CAB39L: variants seen among roughly 807,000 people sequenced by gnomAD.
CAB39L encodes calcium-binding protein 39-like.
CAB39L carries 23 observed loss-of-function variants against 39.1 expected under a neutral mutation model. The ratio of observed to expected loss-of-function variants is 0.59; its 90% CI spans 0.42 to 0.83. The LOEUF (loss-of-function observed/expected upper bound fraction) is 0.83. Among genes scored for constraint, CAB39L ranks in the 40% least tolerant of loss-of-function variants. The pLI is 0.00. For missense variants in CAB39L, 366 were observed against 391.9 expected (o/e 0.93, Z 0.56); for synonymous variants, 126 against 137.2 (o/e 0.92, Z 0.57).
chr13:49,379,645 T>G (rs1956209662), intron 4 of CAB39L, among the ~76,000 whole-genome samples: 2 of 96,998 alleles, frequency 2.1e-5, no homozygotes, highest in African/African-American at 4.9e-5. Flanking sequence ...TATTGTCCCA[T>G]GACCCTGCCA....
chr13:49,367,367 T>C (rs1466587804), intron 5 of CAB39L, among the ~76,000 whole-genome samples: 1 of 152,026 alleles, frequency 6.6e-6, no homozygotes, highest in African/African-American at 2.4e-5. Context: ...AGCAACAACA[T>C]CAAATGCTGG....
chr13:49,443,702 C>A (rs1334064838), intron 1 of CAB39L, among the ~76,000 whole-genome samples: 1 of 152,164 alleles, frequency 6.6e-6, no homozygotes, highest in Non-Finnish European at 1.5e-5. Context: ...CCAGCCCCCA[C>A]AATGATCAAC....
chr13:49,373,536 G>T (rs534134439), intron 5 of CAB39L, among the ~76,000 whole-genome samples: 1 of 152,102 alleles, frequency 6.6e-6, no homozygotes, highest in Non-Finnish European at 1.5e-5. Flanking sequence ...GGCTATTCAC[G>T]TACTGAAATC....
At chr13:49,412,558 G>C (rs1327434113) in intron 3 of CAB39L, among the ~76,000 whole-genome samples, 1 of 152,008 alleles carries the variant, frequency 6.6e-6, no homozygotes, top group Non-Finnish European at 1.5e-5. Context: ...GCACATTATG[G>C]CCTTTGGATA....
At position 49,339,905 on chromosome 13, in the gene CAB39L, A is replaced by T. The variant is rs115495460; in HGVS notation, c.625-163T>A. On this transcript the variant is annotated intron_variant, in intron 8 of 10. Transcript: ENST00000409308. ...GGGGACAGGGAGGTCAAGAATTACA[A>T]GAGACATCCTTCCCTATTTTATTTT... is the stretch of plus-strand genomic sequence containing the variant. Among the ~76,000 whole-genome samples, 448 of 152,344 alleles carry T rather than the reference A, an allele frequency of 2.9e-3. 1 individual carries two copies. Among genetic ancestry groups the T allele is most frequent in the African/African-American group, 0.01 (425 of 41,578 alleles).
intron 3 of CAB39L, among the ~76,000 whole-genome samples, chr13:49,426,047 G>T (rs573626801): frequency 6.6e-6 from 1 of 152,134 alleles, no homozygotes; most frequent in Non-Finnish European, 1.5e-5. Context: ...TTAAAGCTTT[G>T]TGGGGGTCCT....
chr13:49,388,189 C>G (rs999072017), intron 3 of CAB39L, among the ~76,000 whole-genome samples: 7 of 152,070 alleles, frequency 4.6e-5, no homozygotes, highest in African/African-American at 1.7e-4. Flanking sequence ...TATCCCCTAA[C>G]AAACAGGTGT....
Position 49,344,186 on chromosome 13 carries a change from T to C in CAB39L, c.617A>G (p.Tyr206Cys). The change falls in exon 8 of 11, where the codon TAC becomes TGC. Residue 206 changes from tyrosine (Y) to cysteine (C), a missense_variant. Transcript: ENST00000409308. ...VLVADFLEQN[Y>C]DTIFEDYEKL... is the part of the protein sequence containing the mutation. ...AAAATGATTTCTACTTACAGTGTCG[T>C]AATTTTGTTCTAAGAAGTCTGCTAC... 6.3e-7 allele frequency: 1 copy of C among 1,584,470 alleles called. No individual in the cohort carries two copies. The highest frequency in any genetic ancestry group is 8.7e-7 in the Non-Finnish European group (1 of 1,153,480).
At chr13:49,421,430 T>C (rs1957169645) in intron 3 of CAB39L, among the ~76,000 whole-genome samples, 1 of 152,158 alleles carries the variant, frequency 6.6e-6, no homozygotes, top group Non-Finnish European at 1.5e-5. Context: ...AAGGGGAAAG[T>C]TGGGACATTC....
chr13:49,383,338 C>G (rs1566106637), intron 3 of CAB39L, among the ~76,000 whole-genome samples: 1 of 151,968 alleles, frequency 6.6e-6, no homozygotes, highest in Non-Finnish European at 1.5e-5. Flanking sequence ...CAAGAAGTTC[C>G]ATGACATAGT....
At chr13:49,441,621 T>A (rs1211361591) in intron 1 of CAB39L, among the ~76,000 whole-genome samples, 25 of 152,160 alleles carry the variant, frequency 1.6e-4, no homozygotes, top group Non-Finnish European at 2.8e-4. Context: ...TGCTGGAGTT[T>A]AAAAAAATCT....
At position 49,359,823 on chromosome 13, in the gene CAB39L, C is replaced by CT; in HGVS notation, c.285dup (p.Asp96ArgfsTer7). 6.3e-7 allele frequency: 1 copy of CT among 1,596,020 alleles called. No individual in the cohort carries two copies. Among genetic ancestry groups the CT allele is most frequent in the Non-Finnish European group, 8.6e-7 (1 of 1,164,394 alleles). On this transcript the variant is annotated frameshift_variant, in exon 6 of 11. Transcript: ENST00000409308. LOFTEE classifies it high-confidence loss of function. The stretch of plus-strand genomic sequence containing the variant: ...ATGTTGTTAAATATCTGGGTCACAT[C>CT]TTTTTTTCCCTGTTAAAGAAACAAA...
chr13:49,376,111 A>G (rs1566100371), intron 5 of CAB39L, among the ~76,000 whole-genome samples: 1 of 152,226 alleles, frequency 6.6e-6, no homozygotes, highest in Non-Finnish European at 1.5e-5. Context: ...AATCACAGTA[A>G]TCACTGTCAT....
At chr13:49,360,046 T>A (rs1023313245) in intron 5 of CAB39L, among the ~76,000 whole-genome samples, 3 of 152,138 alleles carry the variant, frequency 2.0e-5, no homozygotes, top group African/African-American at 7.2e-5. Flanking sequence ...TGCCACAGGA[T>A]GTGTGCTGGG....
chr13:49,442,445 T>C (rs1427872778), intron 1 of CAB39L, among the ~76,000 whole-genome samples: 1 of 152,092 alleles, frequency 6.6e-6, no homozygotes, highest in South Asian at 2.1e-4. Context: ...ACAAGCCAAC[T>C]GGAAGATACA....
chr13:49,366,626 T>TAAA (rs770961088), intron 5 of CAB39L, among the ~76,000 whole-genome samples: 779 of 62,196 alleles, frequency 0.013, 11 homozygotes, highest in African/African-American at 0.039. Flanking sequence ...AAACTCTGTC[T>TAAA]AAAAAAAAAA....
intron 5 of CAB39L, among the ~76,000 whole-genome samples, chr13:49,360,224 A>G (rs987984272): frequency 1.3e-5 from 2 of 152,250 alleles, no homozygotes; most frequent in African/African-American, 4.8e-5. Flanking sequence ...CAGAAGAAGA[A>G]AATAAGATTT....
intron 10 of CAB39L, among the ~76,000 whole-genome samples, chr13:49,327,066 T>G (rs1954525068): frequency 6.6e-6 from 1 of 152,318 alleles, no homozygotes; most frequent in East Asian, 1.9e-4. Context: ...GAAATAATTC[T>G]AACACATGGA....
At chr13:49,418,221 G>A (rs1957116520) in intron 3 of CAB39L, among the ~76,000 whole-genome samples, 1 of 152,196 alleles carries the variant, frequency 6.6e-6, no homozygotes, top group Non-Finnish European at 1.5e-5. Flanking sequence ...AAAAAGGAAT[G>A]AAGTCCTGAT....
Sources: allele counts gnomAD v4.1 joint callset (sites outside exome capture counted in the v4.1 genomes callset), GRCh38; gene constraint gnomAD v4.1.1; transcripts MANE v1.5; gene names NCBI Gene and HGNC (gene_info 2026-07-23, HGNC 2026-07-21).